Variants in RGSL1 observed in about 807,000 individuals in gnomAD.
RGSL1 encodes the protein regulator of G protein signaling protein-like.
In RGSL1, 97 loss-of-function variants were observed where a neutral mutation model predicts 124.7. That is an observed-to-expected ratio of 0.78 (90% confidence interval 0.66 to 0.92). The LOEUF is 0.92. Ranked by LOEUF, RGSL1 falls within the 40% of genes least tolerant of loss-of-function variation. The pLI, the probability that RGSL1 is intolerant of heterozygous loss-of-function variation, is 0.00. For synonymous variants in RGSL1, 424 were observed against 438.1 expected, an observed-to-expected ratio of 0.97 and a Z score of 0.40; for missense variants, 1,233 against 1,288.4, an observed-to-expected ratio of 0.96 and a Z score of 0.66.
chr1:182,514,964 T>C (rs1469990172), intron 9 of RGSL1, among the ~76,000 whole-genome samples: 1 of 152,216 alleles, frequency 6.6e-6, no homozygotes, highest in Non-Finnish European at 1.5e-5. Context: ...TTGCCCATTT[T>C]GAAAGACAGG....
chr1:182,478,659 G>A (rs1001290376), intron 6 of RGSL1, among the ~76,000 whole-genome samples: 2 of 152,092 alleles, frequency 1.3e-5, no homozygotes, highest in African/African-American at 4.8e-5. Flanking sequence ...AGAGAAAAAG[G>A]GATAGAAAGC....
chr1:182,481,854 C>T (rs1216991781), intron 6 of RGSL1, among the ~76,000 whole-genome samples: 1 of 151,952 alleles, frequency 6.6e-6, no homozygotes, highest in Non-Finnish European at 1.5e-5. Flanking sequence ...GTGGCGTGTG[C>T]CTGTGGTCCT....
At chr1:182,451,143 C>CA (rs569488586) in intron 1 of RGSL1, among the ~76,000 whole-genome samples, 38,910 of 104,852 alleles carry the variant, frequency 0.37, 6,623 homozygotes, top group East Asian at 0.5. Context: ...GAGACTTTGG[C>CA]AAAAAAAAAA....
chr1:182,464,445 CG>C (rs904277977), intron 4 of RGSL1, among the ~76,000 whole-genome samples: 1 of 152,036 alleles, frequency 6.6e-6, no homozygotes, highest in African/African-American at 2.4e-5. Flanking sequence ...GAAGACTGGC[CG>C]GGGGTGGTGG....
At chr1:182,483,132 G>A (rs1006669297) in intron 6 of RGSL1, among the ~76,000 whole-genome samples, 1 of 152,168 alleles carries the variant, frequency 6.6e-6, no homozygotes, top group African/African-American at 2.4e-5. Flanking sequence ...GTTGATCAAA[G>A]TGTACCATGT....
rs1438878589 is a variant in RGSL1, at chr1:182,556,235, C to A, written c.*165+13C>A. On this transcript the variant is annotated intron_variant, in intron 21 of 21. Coordinates refer to ENST00000294854, the MANE Select transcript of RGSL1 (RefSeq NM_001137669.2). ...CAGACTGCAATGGGTAAGACTTGGG[C>A]AGAGCATGAGAGGAAGCGCATCTTT... The A allele has an allele frequency of 1.4e-5, 9 of 622,008 alleles. No individual in the cohort carries two copies. The East Asian group carries it at 2.0e-4, about 14-fold the overall frequency. The allele number at this position is 622,008 out of a possible 1,614,324, so 38.5% of individuals were successfully genotyped here.
chr1:182,480,615 C>T (rs1322039820), intron 6 of RGSL1, among the ~76,000 whole-genome samples: 1 of 151,968 alleles, frequency 6.6e-6, no homozygotes, highest in Non-Finnish European at 1.5e-5. Flanking sequence ...ACCACCATGC[C>T]CACCTAATTT....
intron 9 of RGSL1, among the ~76,000 whole-genome samples, chr1:182,516,276 G>A (rs1354707486): frequency 1.3e-5 from 2 of 152,200 alleles, no homozygotes; most frequent in Admixed American, 1.3e-4. Flanking sequence ...TTGGGAGCGG[G>A]CCCTTTGCCA....
chr1:182,518,634 C>T (rs1658084201), intron 9 of RGSL1, among the ~76,000 whole-genome samples: 1 of 152,180 alleles, frequency 6.6e-6, no homozygotes, highest in Non-Finnish European at 1.5e-5. Context: ...GGAGAAGCTG[C>T]TTTTAAACCT....
intron 14 of RGSL1, among the ~76,000 whole-genome samples, chr1:182,537,648 T>G (rs1165031115): frequency 6.6e-6 from 1 of 152,240 alleles, no homozygotes; most frequent in Non-Finnish European, 1.5e-5. Context: ...AGCCATGTTA[T>G]TTGTATGGCT....
Position 182,473,632 on chromosome 1 carries a change from T to C in RGSL1, c.521T>C (p.Ile174Thr). ...AACCAATCAACCACTAGGAGGGAGA[T>C]CCTGAGCCACATGCAGAAAGTGGCT... Reference protein sequence around the residue: ...HPNQSTTRREILSHMQKVALF... With the variant: ...HPNQSTTRRETLSHMQKVALF... The change falls in exon 6 of 22, where the codon ATC becomes ACC. Residue 174 changes from isoleucine (I) to threonine (T), a missense_variant. Physicochemically the swap from Ile to Thr is moderately conservative, Grantham distance 89 (BLOSUM62 -1). Transcript: ENST00000294854. The C allele has an allele frequency of 1.3e-6, 2 of 1,551,512 alleles. No homozygotes were observed. Among genetic ancestry groups the C allele is most frequent in the Non-Finnish European group, 1.7e-6 (2 of 1,146,888 alleles).
intron 2 of RGSL1, among the ~76,000 whole-genome samples, chr1:182,457,148 A>AAAAC (rs71297860): frequency 0.25 from 37,540 of 151,476 alleles, 4,853 homozygotes; most frequent in East Asian, 0.39. Context: ...CTCCATCTCA[A>AAAAC]AAACAAACAA....
At chr1:182,508,681 T>G (rs1286524496) in intron 9 of RGSL1, among the ~76,000 whole-genome samples, 24 of 150,158 alleles carry the variant, frequency 1.6e-4, no homozygotes, top group South Asian at 6.3e-4. Flanking sequence ...TGTTTTTTTT[T>G]TTTTTTTTTT....
intron 9 of RGSL1, among the ~76,000 whole-genome samples, chr1:182,515,552 A>AT (rs1316033045): frequency 1.9e-5 from 1 of 53,384 alleles, no homozygotes; most frequent in Non-Finnish European, 4.4e-5. Context: ...AAAAAAAAAA[A>AT]AGGGGGGGGC....
intron 4 of RGSL1, chr1:182,460,888 G>T (rs2101998405): frequency 2.7e-6 from 1 of 372,698 alleles, no homozygotes; most frequent in South Asian, 2.0e-5. Flanking sequence ...CTCAACCCCA[G>T]CCCCATGGCA....
intron 14 of RGSL1, among the ~76,000 whole-genome samples, chr1:182,534,599 C>T (rs1000381442): frequency 1.3e-5 from 2 of 152,058 alleles, no homozygotes; most frequent in East Asian, 1.9e-4. Context: ...AGGCCGAGGC[C>T]GGTGGATCAC....
At chr1:182,522,514 A>C (rs962302548) in intron 10 of RGSL1, among the ~76,000 whole-genome samples, 1 of 152,160 alleles carries the variant, frequency 6.6e-6, no homozygotes, top group African/African-American at 2.4e-5. Context: ...CTGCTGTAGT[A>C]GCCTCCTAAC....
intron 20 of RGSL1, chr1:182,555,409 T>G (rs1179596167): frequency 6.5e-6 from 1 of 154,584 alleles, no homozygotes; most frequent in East Asian, 1.9e-4. Context: ...TCCTAAATAT[T>G]CCAGGCTGCT....
chr1:182,484,262 C>A (rs1300917442), intron 6 of RGSL1, among the ~76,000 whole-genome samples: 2 of 152,010 alleles, frequency 1.3e-5, no homozygotes, highest in East Asian at 3.9e-4. Context: ...TCATCTTAGT[C>A]CTGGAATGCA....
Sources: allele counts gnomAD v4.1 joint callset (sites outside exome capture counted in the v4.1 genomes callset), GRCh38; gene constraint gnomAD v4.1.1; transcripts MANE v1.5; gene names NCBI Gene and HGNC (gene_info 2026-07-23, HGNC 2026-07-21).